Variants in PARP4 observed in about 807,000 individuals in gnomAD.
PARP4 encodes protein mono-ADP-ribosyltransferase PARP4.
PARP4 carries 120 observed loss-of-function variants against 187.7 expected under a neutral mutation model. That is an observed-to-expected ratio of 0.64 (90% CI 0.55 to 0.74). The LOEUF (loss-of-function observed/expected upper bound fraction) is 0.74, where lower values mean the gene tolerates loss of function less well. PARP4 is among the 30% of genes least tolerant of loss of function. PARP4 has a pLI of 0.00. For synonymous variants in PARP4, 654 were observed against 740.9 expected (o/e 0.88, Z 1.90); for missense variants, 1,836 against 2,070.5 (o/e 0.89, Z 2.20).
At chr13:24,423,812 A>C (rs1869882718) in intron 33 of PARP4, among the ~76,000 whole-genome samples, 1 of 151,882 alleles carries the variant, frequency 6.6e-6, no homozygotes, top group African/African-American at 2.4e-5. Context: ...CTGAGTAGTC[A>C]CACACTACCA....
chr13:24,445,372 G>A (rs1222212698), intron 27 of PARP4, among the ~76,000 whole-genome samples: 1 of 151,796 alleles, frequency 6.6e-6, no homozygotes, highest in Non-Finnish European at 1.5e-5. Flanking sequence ...TGGTTGCTGG[G>A]GAACCAACCA....
intron 25 of PARP4, among the ~76,000 whole-genome samples, chr13:24,449,317 G>C (rs1484417664): frequency 6.6e-6 from 1 of 150,944 alleles, no homozygotes; most frequent in Non-Finnish European, 1.5e-5. Context: ...GAACCCGGGA[G>C]GCAGAGCTTG....
chr13:24,453,163 T>G (rs528951886), intron 23 of PARP4, among the ~76,000 whole-genome samples: 2 of 152,294 alleles, frequency 1.3e-5, no homozygotes, highest in African/African-American at 4.8e-5. Flanking sequence ...CTCGAATTCC[T>G]GACCTCAGGT....
Position 24,505,988 on chromosome 13 carries a change from T to C in PARP4, c.-1-2211A>G, listed in dbSNP as rs545472875. Among the ~76,000 whole-genome samples, 6 of 152,364 alleles carry C rather than the reference T, an allele frequency of 3.9e-5. No homozygotes were observed. In the South Asian group the frequency reaches 6.2e-4, roughly 16 times the overall value. ...TGGGCTCCGCCATTTCCCCTTTGCC[T>C]GCCCTTTCACCTCCCACTCCTACAG... On this transcript the variant is annotated intron_variant, in intron 1 of 33. Transcript: ENST00000381989.
intron 12 of PARP4, 79 bp from the exon 13 acceptor site, chr13:24,478,355 G>A: frequency 3.3e-6 from 3 of 898,378 alleles, no homozygotes; most frequent in South Asian, 6.2e-5. Context: ...AGACTTTCCT[G>A]GTAAACTGTT....
chr13:24,495,445 G>A (rs1374576407), intron 6 of PARP4, among the ~76,000 whole-genome samples: 1 of 152,198 alleles, frequency 6.6e-6, no homozygotes, highest in South Asian at 2.1e-4. Flanking sequence ...CGGGCACACA[G>A]CGAAAATGAA....
chr13:24,438,834 T>A lies in PARP4; in HGVS notation c.3666+3012A>T, dbSNP rs376295370. On this transcript the variant is annotated intron_variant, in intron 30 of 33. Coordinates refer to ENST00000381989, the MANE Select transcript of PARP4 (RefSeq NM_006437.4). ...GGGAAGGACCAAACAGACCTGGATGTCCGGGCTCTATTGCGGCTGGCGTGT... is the reference window on the plus strand; with the variant it reads ...GGGAAGGACCAAACAGACCTGGATGACCGGGCTCTATTGCGGCTGGCGTGT... Among the ~76,000 whole-genome samples, 88 of 152,306 alleles carry A rather than the reference T, an allele frequency of 5.8e-4. 2 individuals carry two copies. In the South Asian group the frequency reaches 0.018, roughly 32 times the overall value.
At chr13:24,475,738 C>T (rs749679344) in intron 14 of PARP4, 142 bp from the exon 15 acceptor site, 13 of 856,802 alleles carry the variant, frequency 1.5e-5, no homozygotes, top group East Asian at 2.6e-5. Flanking sequence ...TTTCAATAGC[C>T]AATTCTGAAA....
chr13:24,487,642 G>C (rs889715899), intron 10 of PARP4, among the ~76,000 whole-genome samples: 1 of 152,142 alleles, frequency 6.6e-6, no homozygotes, highest in Non-Finnish European at 1.5e-5. Context: ...GGGGAGACGG[G>C]GGTACGGCTG....
intron 10 of PARP4, among the ~76,000 whole-genome samples, chr13:24,488,545 G>A (rs906064520): frequency 2.0e-5 from 3 of 151,794 alleles, no homozygotes; most frequent in South Asian, 2.1e-4. Flanking sequence ...GTTGAGACAG[G>A]GTTTCACCAT....
At chr13:24,479,436 G>C (rs1240880840) in intron 12 of PARP4, among the ~76,000 whole-genome samples, 1 of 152,240 alleles carries the variant, frequency 6.6e-6, no homozygotes, top group African/African-American at 2.4e-5. Context: ...GGCCCAGCTG[G>C]GCTCCTGAGT....
chr13:24,468,673 G>A (rs1262953706), intron 17 of PARP4, among the ~76,000 whole-genome samples: 3 of 152,046 alleles, frequency 2.0e-5, no homozygotes, highest in Admixed American at 6.6e-5. Context: ...CAAAGTGCTG[G>A]GATTACAGGC....
chr13:24,435,471 G>C lies in PARP4; in HGVS notation c.3670C>G (p.Leu1224Val), dbSNP rs1272991959. Residue 1224 changes from leucine (L) to valine (V), a missense_variant, in exon 31 of 34, where the codon CTT becomes GTT. By Grantham distance (32) the Leu-to-Val change is conservative. This residue lies in a region of PARP4 where 450 missense variants were observed against 439.2 expected (regional missense o/e 1.02). Coordinates refer to ENST00000381989, the MANE Select transcript of PARP4 (RefSeq NM_006437.4). ...EPQEAVRNQS[L>V]LASSEWPELR... The stretch of plus-strand genomic sequence containing the variant: ...TCTGGCCACTCAGAGGATGCTAAAA[G>C]AGACTGCCCAGAAGACAGAATTATT... 19 of 1,581,850 alleles carry C rather than the reference G, an allele frequency of 1.2e-5. No individual in the cohort carries two copies. The highest frequency in any genetic ancestry group is 1.6e-5 in the Non-Finnish European group (19 of 1,170,808).
At chr13:24,436,836 A>G (rs1236120488) in intron 30 of PARP4, among the ~76,000 whole-genome samples, 2 of 152,200 alleles carry the variant, frequency 1.3e-5, no homozygotes, top group East Asian at 3.8e-4. Flanking sequence ...GAATGATTTA[A>G]AAAAGGAGTA....
chr13:24,434,167 T>C (rs530954407), intron 31 of PARP4, among the ~76,000 whole-genome samples: 5 of 152,344 alleles, frequency 3.3e-5, no homozygotes, highest in African/African-American at 7.2e-5. Flanking sequence ...CTAATGTTTG[T>C]AGAGAAACAC....
chr13:24,440,174 G>A lies in PARP4; in HGVS notation c.3666+1672C>T, dbSNP rs150067782. ...TGAAATCCCAGCACTTTGGGAGGCC[G>A]AGGCGGGTGAATCAGGAGTTCGAGA... On this transcript the variant is annotated intron_variant, in intron 30 of 33. Transcript: ENST00000381989. Among the ~76,000 whole-genome samples, 71 of 152,238 alleles carry A rather than the reference G, an allele frequency of 4.7e-4. 1 individual carries two copies. The East Asian group carries it at 0.013, about 28-fold the overall frequency.
intron 1 of PARP4, among the ~76,000 whole-genome samples, chr13:24,511,460 A>G (rs1407814566): frequency 6.6e-6 from 1 of 152,146 alleles, no homozygotes; most frequent in African/African-American, 2.4e-5. Context: ...TCTTCCCCAA[A>G]TAACATTCAC....
At chr13:24,508,271 C>T (rs1342417746) in intron 1 of PARP4, among the ~76,000 whole-genome samples, 4 of 152,156 alleles carry the variant, frequency 2.6e-5, no homozygotes, top group Non-Finnish European at 5.9e-5. Context: ...CTTATGCTGA[C>T]CAAGGTTGGC....
intron 12 of PARP4, among the ~76,000 whole-genome samples, chr13:24,479,481 C>G (rs189063314): frequency 2.0e-5 from 3 of 152,290 alleles, no homozygotes; most frequent in African/African-American, 7.2e-5. Context: ...ATGTCTAGCT[C>G]AGGGATTGTA....
Sources: gnomAD v4.1 joint callset for allele counts (sites outside exome capture counted in the v4.1 genomes callset) on GRCh38, gnomAD v4.1.1 for gene constraint, gnomAD v4.1.1 regional missense constraint, MANE v1.5 for transcripts, NCBI Gene and HGNC (gene_info 2026-07-23, HGNC 2026-07-21) for gene names.